ITGA7: variants seen among roughly 807,000 people sequenced by gnomAD.
The protein encoded by ITGA7 is integrin subunit alpha 7.
ITGA7 carries 84 observed loss-of-function variants against 131.6 expected under a neutral mutation model. That is an observed-to-expected ratio of 0.64 (90% CI 0.54 to 0.77). The LOEUF is 0.77. Ranked by LOEUF, ITGA7 falls within the 30% of genes least tolerant of loss-of-function variation. ITGA7 has a pLI of 0.00. For synonymous variants in ITGA7, 548 were observed against 600.7 expected (o/e 0.91, Z 1.28); for missense variants, 1,399 against 1,482.9 (o/e 0.94, Z 0.93).
intron 4 of ITGA7, chr12:55,700,402 A>G (rs1873716233): frequency 6.2e-7 from 1 of 1,601,224 alleles, no homozygotes; most frequent in Non-Finnish European, 8.5e-7. Context: ...GCCTGCAAGG[A>G]CAGACCTGTT....
At chr12:55,708,128 AC>A, upstream of ITGA7, 1 of 713,810 alleles carries the variant, frequency 1.4e-6, no homozygotes, top group Non-Finnish European at 1.7e-6. Context: ...TTCTCCCCCA[AC>A]CCCATCCCCA....
rs1592385562 is a variant in ITGA7 at position 55,684,978 on chromosome 12, A to T, written c.*80T>A. ...AATCTTGATGCGACACCAGCAGCCC[A>T]CTCTACCCTCTTCATCCCAAGGAGC... On this transcript the variant is annotated 3_prime_UTR_variant, in exon 25 of 25. Coordinates refer to ENST00000257879, the MANE Select transcript of ITGA7 (RefSeq NM_002206.3). 2.4e-6 allele frequency: 3 copies of T among 1,227,344 alleles called. No homozygotes were observed. Among genetic ancestry groups the T allele is most frequent in the Non-Finnish European group, 3.4e-6 (3 of 891,388 alleles). The allele number at this position is 1,227,344 out of a possible 1,614,324, so 76.0% of individuals were successfully genotyped here.
chr12:55,714,835 C>T (rs1199779339), upstream of ITGA7, among the ~76,000 whole-genome samples: 1 of 142,576 alleles, frequency 7.0e-6, no homozygotes, highest in Non-Finnish European at 1.5e-5. Flanking sequence ...TCCTTAGATT[C>T]TATTTAATTA....
At chr12:55,701,830 C>T (rs774193646) in intron 3 of ITGA7, among the ~76,000 whole-genome samples, 3 of 152,172 alleles carry the variant, frequency 2.0e-5, no homozygotes, top group Non-Finnish European at 2.9e-5. Flanking sequence ...TGGCTCAAAT[C>T]ATCCCCTCTG....
chr12:55,686,692 G>A (rs1272033558), intron 24 of ITGA7, among the ~76,000 whole-genome samples: 2 of 152,198 alleles, frequency 1.3e-5, no homozygotes, highest in Admixed American at 1.3e-4. Flanking sequence ...GTGTACTGAC[G>A]TGTGCATGTG....
chr12:55,691,964 G>A (rs1329067454), intron 21 of ITGA7, among the ~76,000 whole-genome samples: 1 of 152,150 alleles, frequency 6.6e-6, no homozygotes, highest in Non-Finnish European at 1.5e-5. Context: ...CTAGCAGGGA[G>A]GGGCACAGAG....
chr12:55,692,340 C>CAG (rs10627208), intron 21 of ITGA7, among the ~76,000 whole-genome samples: 99,829 of 152,008 alleles, frequency 0.66, 33,577 homozygotes, highest in East Asian at 0.94. Flanking sequence ...TCGCTTGAAC[C>CAG]AGAGGCAGAG....
At chr12:55,700,289 T>C in intron 4 of ITGA7, 2 of 1,608,318 alleles carry the variant, frequency 1.2e-6, no homozygotes, top group African/African-American at 1.3e-5. Flanking sequence ...GGGACCGGGA[T>C]GAGGCGGGGG....
upstream of ITGA7, chr12:55,716,107 GCGTACCCAGCCCCCAGCCCGA>G (rs2136130185): frequency 6.2e-7 from 1 of 1,603,298 alleles, no homozygotes; most frequent in African/African-American, 1.3e-5. Context: ...AGGGGGCCCG[GCGTACCCAGCCCCCAGCCCGA>G]CGTGACCATG....
chr12:55,695,560 A>G lies in ITGA7; in HGVS notation c.1965T>C (p.Cys655=), dbSNP rs7971022. The G allele has an allele frequency of 0.021, 33,474 of 1,612,240 alleles. 431 individuals are homozygous for G. The highest frequency in any genetic ancestry group is 0.024 in the Non-Finnish European group (28,487 of 1,179,384). ...SNLQLVRARF[C]TRVSDTEFQP... ...GGAATTCCGTGTCGCTGACCCGGGTACAGAAGCGGGCGCGGACCAGCTGCA... is the reference window on the plus strand; with the variant it reads ...GGAATTCCGTGTCGCTGACCCGGGTGCAGAAGCGGGCGCGGACCAGCTGCA... Residue 655 remains cysteine, a synonymous_variant, in exon 14 of 25, where the codon TGT becomes TGC. Transcript: ENST00000257879.
chr12:55,687,717 T>C (rs1870538817), intron 24 of ITGA7, among the ~76,000 whole-genome samples: 1 of 152,154 alleles, frequency 6.6e-6, no homozygotes, highest in African/African-American at 2.4e-5. Context: ...CTCGAACTCC[T>C]GACCTCAAGT....
At chr12:55,714,514 T>C (rs1350020282), upstream of ITGA7, among the ~76,000 whole-genome samples, 1 of 86,968 alleles carries the variant, frequency 1.1e-5, no homozygotes, top group Admixed American at 1.3e-4. Flanking sequence ...CGAGACTCCG[T>C]CTCAAAAAAA....
intron 3 of ITGA7, among the ~76,000 whole-genome samples, chr12:55,702,233 G>A (rs1437975021): frequency 2.7e-5 from 4 of 150,264 alleles, no homozygotes; most frequent in African/African-American, 4.9e-5. Flanking sequence ...AGGCTGGAGC[G>A]CAGTGGCGCG....
upstream of ITGA7, chr12:55,712,261 G>C (rs1251453737): frequency 1.3e-6 from 2 of 1,551,000 alleles, no homozygotes; most frequent in Non-Finnish European, 1.7e-6. Flanking sequence ...ACTTACCAAA[G>C]GGAGCCATTT....
At position 55,697,826 on chromosome 12, in the gene ITGA7, G is replaced by A. The variant is rs534961736; in HGVS notation, c.1282-4C>T. The A allele has an allele frequency of 1.2e-6, 2 of 1,614,124 alleles. No homozygotes were observed. The highest frequency in any genetic ancestry group is 2.7e-5 in the African/African-American group (2 of 75,016). ...CCACAGCCTCGCCCTCCAGCACCTAGAGAACCAGCTGTCAGCCTCCCTCAA... is the reference window on the plus strand; with the variant it reads ...CCACAGCCTCGCCCTCCAGCACCTAAAGAACCAGCTGTCAGCCTCCCTCAA... On this transcript the variant is annotated splice_region_variant and splice_polypyrimidine_tract_variant and intron_variant, in intron 8 of 24. Transcript: ENST00000257879.
At chr12:55,693,716 G>C (rs1871987296) in intron 19 of ITGA7, among the ~76,000 whole-genome samples, 1 of 152,112 alleles carries the variant, frequency 6.6e-6, no homozygotes, top group Non-Finnish European at 1.5e-5. Flanking sequence ...GTTCTAGGGA[G>C]AGACATTAAC....
chr12:55,707,948 C>CCTCCGG, upstream of ITGA7: 1 of 1,344,260 alleles, frequency 7.4e-7, no homozygotes, highest in South Asian at 1.6e-5. Flanking sequence ...TCAGGCCCCG[C>CCTCCGG]CTCCGGCCCC....
At chr12:55,699,665 C>T in intron 5 of ITGA7, 1 of 635,172 alleles carries the variant, frequency 1.6e-6, no homozygotes. Context: ...GGCTCACAGC[C>T]CCAGAGGCCA....
chr12:55,709,472 C>A (rs916512031), upstream of ITGA7, among the ~76,000 whole-genome samples: 1 of 152,198 alleles, frequency 6.6e-6, no homozygotes, highest in African/African-American at 2.4e-5. Flanking sequence ...CTGTGGCTAT[C>A]CCCTCCAGAG....
Sources: gnomAD v4.1 joint callset for allele counts (sites outside exome capture counted in the v4.1 genomes callset) on GRCh38, gnomAD v4.1.1 for gene constraint, MANE v1.5 for transcripts, NCBI Gene and HGNC (gene_info 2026-07-23, HGNC 2026-07-21) for gene names.